Variants in NBEAL1 observed in about 807,000 individuals in gnomAD.
NBEAL1 encodes the protein neurobeachin like 1.
Under a neutral mutation model 351.3 loss-of-function variants are expected in NBEAL1, and 273 were observed. The observed-to-expected ratio is 0.78, with a 90% CI of 0.70 to 0.86. NBEAL1 has a LOEUF of 0.86. NBEAL1 is among the 40% of genes least tolerant of loss of function. The pLI is 0.00. For synonymous variants in NBEAL1, 1,050 were observed against 1,086.4 expected (o/e 0.97, Z 0.66); for missense variants, 2,961 against 3,201.3 (o/e 0.92, Z 1.81).
chr2:203,157,103 C>T (rs553641195), intron 35 of NBEAL1, among the ~76,000 whole-genome samples: 11 of 152,210 alleles, frequency 7.2e-5, no homozygotes, highest in African/African-American at 2.6e-4. Flanking sequence ...AAATTTGAGT[C>T]TAGGTTCACC....
In NBEAL1 at chr2:203,213,570, T is replaced by C; in HGVS notation, c.7987T>C (p.Cys2663Arg). The change falls in exon 55 of 56, where the codon TGT (cysteine) becomes CGT (arginine). Residue 2663 changes from cysteine to arginine, a missense_variant. Transcript: ENST00000683969. ...CATGCGACTGCCTATCCATTGTGTT[T>C]GTGTCACCAAAGAATACAGCCATAT... is the stretch of plus-strand genomic sequence containing the variant. ...LAMRLPIHCV[C>R]VTKEYSHILV... The C allele has an allele frequency of 2.5e-6, 4 of 1,614,138 alleles. No homozygotes were observed. The highest frequency in any genetic ancestry group is 3.4e-6 in the Non-Finnish European group (4 of 1,179,994).
intron 4 of NBEAL1, among the ~76,000 whole-genome samples, chr2:203,051,257 T>C (rs1385238711): frequency 6.6e-6 from 1 of 152,134 alleles, no homozygotes; most frequent in Non-Finnish European, 1.5e-5. Context: ...AGGGTTGAAG[T>C]ATGCAGCCAG....
At chr2:203,086,387 C>G (rs1023332811) in intron 10 of NBEAL1, among the ~76,000 whole-genome samples, 1 of 152,174 alleles carries the variant, frequency 6.6e-6, no homozygotes, top group Admixed American at 6.5e-5. Context: ...GGATGTCTCA[C>G]CTTTGGATGT....
intron 31 of NBEAL1, among the ~76,000 whole-genome samples, chr2:203,139,093 G>GAAAAAAAATTT (rs985484232): frequency 6.6e-6 from 1 of 151,802 alleles, no homozygotes; most frequent in African/African-American, 2.4e-5. Context: ...GAATTTTTTA[G>GAAAAAAAATTT]AAAAATTATT....
intron 55 of NBEAL1, among the ~76,000 whole-genome samples, chr2:203,216,948 C>T (rs566586403): frequency 6.6e-6 from 1 of 152,172 alleles, no homozygotes; most frequent in East Asian, 1.9e-4. Context: ...GGATTACAGG[C>T]GTGCGCCACC....
At chr2:203,141,511 T>C (rs957006205) in intron 31 of NBEAL1, among the ~76,000 whole-genome samples, 1 of 149,534 alleles carries the variant, frequency 6.7e-6, no homozygotes, top group African/African-American at 2.5e-5. Context: ...GCCTCCCAAG[T>C]CGTTGGGGCT....
Position 203,110,716 on chromosome 2 carries a change from T to TAG in NBEAL1, c.2082+435_2082+436insGA, listed in dbSNP as rs1387132496. Among the ~76,000 whole-genome samples the TAG allele has an allele frequency of 5.4e-5, 4 of 73,746 alleles. No individual in the cohort carries two copies. The South Asian group carries it at 1.9e-3, about 35-fold the overall frequency. 48.4% of individuals were successfully genotyped at this position (73,746 alleles called of 152,430 possible). A position where few individuals can be genotyped will look rare whatever the true frequency, so the allele number is the denominator to read the frequency against. On this transcript the variant is annotated intron_variant, in intron 15 of 55. Coordinates refer to ENST00000683969, the MANE Select transcript of NBEAL1 (RefSeq NM_001378026.1). ...AAATAAATAAATAAATAAATAAATA[T>TAG]ATAGAACGTTAGGATGTCTTAAGGT... is the stretch of plus-strand genomic sequence containing the variant.
chr2:203,193,839 G>A lies in NBEAL1; in HGVS notation c.6966G>A (p.Lys2322=). The part of the protein sequence containing the change: ...PRLSAEEAVQ[K]PTKIDTSTLN... Reference sequence around the variant, plus strand: ...TATCAGCAGAAGAAGCAGTGCAGAAGCCAACCAAAATAGACACTTCAACCC... The same window carrying A: ...TATCAGCAGAAGAAGCAGTGCAGAAACCAACCAAAATAGACACTTCAACCC... The change falls in exon 47 of 56, where the codon AAG becomes AAA. Residue 2322 remains lysine, a synonymous_variant. Coordinates refer to ENST00000683969, the MANE Select transcript of NBEAL1 (RefSeq NM_001378026.1). The A allele has an allele frequency of 6.2e-7, 1 of 1,612,730 alleles. No individual in the cohort carries two copies. The highest frequency in any genetic ancestry group is 8.5e-7 in the Non-Finnish European group (1 of 1,179,316).
In NBEAL1 at chr2:203,175,193, T is replaced by C. The variant is rs1184471128; in HGVS notation, c.6370T>C (p.Tyr2124His). The C allele has an allele frequency of 6.2e-7, 1 of 1,613,474 alleles. No individual in the cohort carries two copies. Among genetic ancestry groups the C allele is most frequent in the Admixed American group, 1.7e-5 (1 of 59,952 alleles). ...DPMGTIDKFH[Y>H]GTHYSNSAGV... ...TATGGGAACTATTGATAAGTTTCACTATGGTACTCACTATTCAAATTCTGC... is the reference window on the plus strand; with the variant it reads ...TATGGGAACTATTGATAAGTTTCACCATGGTACTCACTATTCAAATTCTGC... The change falls in exon 42 of 56, where the codon TAT becomes CAT. Residue 2124 changes from tyrosine to histidine, a missense_variant. Tyr to His is a moderately conservative substitution (Grantham distance 83). Coordinates refer to ENST00000683969, the MANE Select transcript of NBEAL1 (RefSeq NM_001378026.1).
At chr2:203,117,902 T>TA (rs2062736726) in intron 18 of NBEAL1, among the ~76,000 whole-genome samples, 1 of 151,992 alleles carries the variant, frequency 6.6e-6, no homozygotes, top group Non-Finnish European at 1.5e-5. Flanking sequence ...TTGCCCAGGC[T>TA]AGTCTTGAAT....
rs745546089 is a variant in NBEAL1 at position 203,126,039 on chromosome 2, G to A, written c.2931G>A (p.Gln977=). The A allele has an allele frequency of 6.5e-7, 1 of 1,543,790 alleles. No individual in the cohort carries two copies. The highest frequency in any genetic ancestry group is 2.5e-5 in the East Asian group (1 of 40,722). The change falls in exon 21 of 56, where the codon CAG becomes CAA. Residue 977 remains glutamine (Q), a synonymous_variant. Transcript: ENST00000683969. The part of the protein sequence containing the change: ...KHFIQRHPIN[Q]GNLIHSHGVA... Reference sequence around the variant, plus strand: ...TTATTCAGAGACATCCTATCAACCAGGGCAATCTTATTCACTCCCATGGAG... The same window carrying A: ...TTATTCAGAGACATCCTATCAACCAAGGCAATCTTATTCACTCCCATGGAG...
chr2:203,190,640 C>T, intron 46 of NBEAL1: 1 of 420,006 alleles, frequency 2.4e-6, no homozygotes. Context: ...AACATCTGCC[C>T]AAAAAGGCAC....
chr2:203,070,961 T>C (rs912434381), intron 7 of NBEAL1, among the ~76,000 whole-genome samples: 1 of 152,216 alleles, frequency 6.6e-6, no homozygotes, highest in African/African-American at 2.4e-5. Context: ...AAGGTCTTGC[T>C]GTGTTGCCTC....
In NBEAL1 at chr2:203,188,493, C is replaced by T. The variant is rs749744731; in HGVS notation, c.6727C>T (p.His2243Tyr). Residue 2243 changes from histidine to tyrosine, a missense_variant, in exon 45 of 56, where the codon CAT becomes TAT. Physicochemically the swap from His to Tyr is moderately conservative, Grantham distance 83. Coordinates refer to ENST00000683969, the MANE Select transcript of NBEAL1 (RefSeq NM_001378026.1). Reference sequence around the variant, plus strand: ...CTAGGAGTCTGAATATGTTTCAGCTCATCTTCATGAATGGATAGATCTGAT... The same window carrying T: ...CTAGGAGTCTGAATATGTTTCAGCTTATCTTCATGAATGGATAGATCTGAT... The part of the protein sequence containing the change: ...KALESEYVSA[H>Y]LHEWIDLIFG... 3 of 1,578,746 alleles carry T rather than the reference C, an allele frequency of 1.9e-6. No individual in the cohort carries two copies. Among genetic ancestry groups the T allele is most frequent in the African/African-American group, 1.4e-5 (1 of 74,026 alleles).
Position 203,217,273 on chromosome 2 carries a change from T to G in NBEAL1, c.8091T>G (p.Ser2697=), listed in dbSNP as rs1211727485. ...KPAEMRSGQL[S]RKFWGSSKRL... is the part of the protein sequence containing the mutation. ...CACAGATGCGTTCAGGTCAGCTTTC[T>G]CGAAAATTTTGGGGATCGAGCAAGC... The change falls in exon 56 of 56, where the codon TCT becomes TCG. Residue 2697 remains serine, a synonymous_variant. Coordinates refer to ENST00000683969, the MANE Select transcript of NBEAL1 (RefSeq NM_001378026.1). 1.3e-6 allele frequency: 2 copies of G among 1,597,898 alleles called. No individual in the cohort carries two copies. Among genetic ancestry groups the G allele is most frequent in the East Asian group, 2.3e-5 (1 of 44,428 alleles).
At chr2:203,127,969 T>A in intron 24 of NBEAL1, 32 bp downstream of exon 24, 1 of 1,509,444 alleles carries the variant, frequency 6.6e-7, no homozygotes, top group Non-Finnish European at 9.0e-7. Flanking sequence ...TACTTTTCCT[T>A]TTTAACATTT....
chr2:203,026,627 GC>G (rs1471148405), intron 2 of NBEAL1, among the ~76,000 whole-genome samples: 1 of 151,430 alleles, frequency 6.6e-6, no homozygotes, highest in Non-Finnish European at 1.5e-5. Context: ...CAATTCTCCT[GC>G]CTCAGCCTCT....
intron 7 of NBEAL1, among the ~76,000 whole-genome samples, chr2:203,071,695 C>G (rs1369481565): frequency 1.3e-5 from 2 of 152,114 alleles, no homozygotes; most frequent in African/African-American, 2.4e-5. Context: ...ACAATTCATC[C>G]TGACTCAAAA....
In NBEAL1 at chr2:203,223,776, C is replaced by A. The variant is rs1473925633; in HGVS notation, c.*6422C>A. Among the ~76,000 whole-genome samples the A allele has an allele frequency of 1.3e-5, 2 of 151,958 alleles. No individual in the cohort carries two copies. Among genetic ancestry groups the A allele is most frequent in the South Asian group, 4.1e-4 (2 of 4,832 alleles). On this transcript the variant is annotated 3_prime_UTR_variant, in exon 56 of 56. Coordinates refer to ENST00000683969, the MANE Select transcript of NBEAL1 (RefSeq NM_001378026.1). ...TTTGGTAACATATTCTGACACTAAG[C>A]AACATGTTTTACAATTTAGTGGGAT... is the stretch of plus-strand genomic sequence containing the variant.
Sources: gnomAD v4.1 joint callset for allele counts (sites outside exome capture counted in the v4.1 genomes callset) on GRCh38, gnomAD v4.1.1 for gene constraint, MANE v1.5 for transcripts, NCBI Gene and HGNC (gene_info 2026-07-23, HGNC 2026-07-21) for gene names.